The following SEMA6D variants were observed in gnomAD, a reference collection of about 807,000 sequenced individuals.
SEMA6D encodes semaphorin-6D.
In SEMA6D, 35 loss-of-function variants were observed where a neutral mutation model predicts 106.6. The ratio of observed to expected loss-of-function variants is 0.33; its 90% CI spans 0.25 to 0.44. The LOEUF (loss-of-function observed/expected upper bound fraction) is 0.44, where lower values mean the gene tolerates loss of function less well. SEMA6D is among the 20% of genes least tolerant of loss of function. The pLI is 1.00. For missense variants in SEMA6D, 1,185 were observed against 1,345.9 expected, an observed-to-expected ratio of 0.88 and a Z score of 1.87; for synonymous variants, 499 against 487.7, an observed-to-expected ratio of 1.02 and a Z score of -0.31.
chr15:47,487,112 T>G (rs1441650770), intron 3 of SEMA6D, among the ~76,000 whole-genome samples: 1 of 152,164 alleles, frequency 6.6e-6, no homozygotes, highest in Non-Finnish European at 1.5e-5. Context: ...CATTAATACA[T>G]TCTTTTCGTA....
chr15:47,254,770 T>A (rs1197966477), intron 1 of SEMA6D, among the ~76,000 whole-genome samples: 1 of 152,138 alleles, frequency 6.6e-6, no homozygotes, highest in Non-Finnish European at 1.5e-5. Context: ...TGAATCCCAC[T>A]TGGCTATGGT....
At chr15:47,475,348 G>C (rs1342220278) in intron 3 of SEMA6D, among the ~76,000 whole-genome samples, 2 of 152,082 alleles carry the variant, frequency 1.3e-5, no homozygotes, top group Non-Finnish European at 2.9e-5. Flanking sequence ...GGAAAATAAG[G>C]CCTAGAATAG....
At chr15:47,712,961 T>G (rs1289301391), upstream of SEMA6D, among the ~76,000 whole-genome samples, 1 of 152,220 alleles carries the variant, frequency 6.6e-6, no homozygotes, top group East Asian at 1.9e-4. Context: ...TCGTTTTGCT[T>G]CTGTTTGTTC....
intron 4 of SEMA6D, among the ~76,000 whole-genome samples, chr15:47,622,602 A>C (rs1260623803): frequency 6.6e-6 from 1 of 152,158 alleles, no homozygotes; most frequent in Non-Finnish European, 1.5e-5. Context: ...GGTATGAGCA[A>C]GTTACTAAGA....
intron 1 of SEMA6D, chr15:47,241,225 C>T (rs1017413853): frequency 7.2e-5 from 11 of 152,268 alleles, no homozygotes; most frequent in South Asian, 4.1e-4. Flanking sequence ...ATATTCCATT[C>T]GCATTTAACT....
chr15:47,269,086 TTA>T (rs1317471293), intron 1 of SEMA6D, among the ~76,000 whole-genome samples: 2 of 152,184 alleles, frequency 1.3e-5, no homozygotes, highest in African/African-American at 4.8e-5. Flanking sequence ...CCCAGCCATT[TTA>T]TATATGATTC....
At chr15:47,433,126 A>G (rs1219273116) in intron 2 of SEMA6D, among the ~76,000 whole-genome samples, 2 of 152,014 alleles carry the variant, frequency 1.3e-5, no homozygotes, top group African/African-American at 2.4e-5. Context: ...ACTATAAGCT[A>G]TATTTACCAA....
At chr15:47,356,324 A>G (rs1056978238) in intron 1 of SEMA6D, among the ~76,000 whole-genome samples, 1 of 152,236 alleles carries the variant, frequency 6.6e-6, no homozygotes, top group Non-Finnish European at 1.5e-5. Context: ...CTGTCTCCAG[A>G]AAAGAACAGA....
intron 1 of SEMA6D, among the ~76,000 whole-genome samples, chr15:47,254,875 T>TTTTGTGTGTGTGTGTG (rs1555411185): frequency 7.4e-6 from 1 of 134,304 alleles, no homozygotes; most frequent in Non-Finnish European, 1.6e-5. Flanking sequence ...ACCTGTGGTT[T>TTTTGTGTGTGTGTGTG]TGTGTGTGTG....
chr15:47,578,959 C>A lies in SEMA6D; in HGVS notation c.-86-21906C>A, dbSNP rs895082837. ...CACCACCTATCTTGCATATGTGGAC[C>A]CCATTTTTAAAATTCCAAAATATTC... On this transcript the variant is annotated intron_variant, in intron 3 of 19. Transcript: ENST00000558014. Among the ~76,000 whole-genome samples the A allele has an allele frequency of 3.3e-5, 5 of 151,554 alleles. No homozygotes were observed. In the East Asian group the frequency reaches 5.8e-4, roughly 18 times the overall value.
intron 4 of SEMA6D, among the ~76,000 whole-genome samples, chr15:47,630,157 A>C (rs891875923): frequency 9.9e-5 from 15 of 151,924 alleles, no homozygotes; most frequent in Non-Finnish European, 2.2e-4. Flanking sequence ...ACTAACTTAC[A>C]TTCCCACCAA....
chr15:47,695,396 C>T (rs1414833275), intron 4 of SEMA6D, among the ~76,000 whole-genome samples: 1 of 152,122 alleles, frequency 6.6e-6, no homozygotes, highest in African/African-American at 2.4e-5. Flanking sequence ...GTAATCATCT[C>T]AGCCAACACC....
intron 1 of SEMA6D, chr15:47,730,233 A>C: frequency 6.5e-7 from 1 of 1,528,688 alleles, no homozygotes; most frequent in South Asian, 1.1e-5. Flanking sequence ...TTGCCGCCCC[A>C]GTGACGGCGG....
intron 1 of SEMA6D, among the ~76,000 whole-genome samples, chr15:47,222,401 A>G (rs2031289504): frequency 6.6e-6 from 1 of 152,084 alleles, no homozygotes; most frequent in Non-Finnish European, 1.5e-5. Context: ...GATACCACAG[A>G]TCTTTTTCTT....
At chr15:47,309,520 T>C (rs891339346) in intron 1 of SEMA6D, among the ~76,000 whole-genome samples, 18 of 152,156 alleles carry the variant, frequency 1.2e-4, no homozygotes, top group Non-Finnish European at 2.2e-4. Flanking sequence ...AGAGAAGCCA[T>C]AAAGTGCTTC....
At chr15:47,285,788 T>A (rs2035334900) in intron 1 of SEMA6D, among the ~76,000 whole-genome samples, 1 of 152,212 alleles carries the variant, frequency 6.6e-6, no homozygotes, top group Non-Finnish European at 1.5e-5. Context: ...GAGAAAATCA[T>A]TGCACAGGTT....
intron 1 of SEMA6D, among the ~76,000 whole-genome samples, chr15:47,201,399 A>G (rs1894717426): frequency 6.6e-6 from 1 of 152,210 alleles, no homozygotes; most frequent in African/African-American, 2.4e-5. Flanking sequence ...AAGGAAAGAA[A>G]TAGAAATGTG....
At chr15:47,298,381 A>T (rs1313842128) in intron 1 of SEMA6D, among the ~76,000 whole-genome samples, 4 of 151,530 alleles carry the variant, frequency 2.6e-5, no homozygotes, top group Admixed American at 2.6e-4. Context: ...TATTCTAAAC[A>T]TCAATAAGGG....
intron 1 of SEMA6D, among the ~76,000 whole-genome samples, chr15:47,243,898 A>G (rs527372981): frequency 2.0e-5 from 3 of 152,286 alleles, no homozygotes; most frequent in South Asian, 2.1e-4. Context: ...TGCATTCTAC[A>G]TGCTATGGAT....
Sources: gnomAD v4.1 joint callset for allele counts (sites outside exome capture counted in the v4.1 genomes callset) on GRCh38, gnomAD v4.1.1 for gene constraint, MANE v1.5 for transcripts, NCBI Gene and HGNC (gene_info 2026-07-23, HGNC 2026-07-21) for gene names.